LIPN: variants seen among roughly 807,000 people sequenced by gnomAD.
LIPN encodes lipase family member N.
Under a neutral mutation model 43.7 loss-of-function variants are expected in LIPN, and 32 were observed. The ratio of observed to expected loss-of-function variants is 0.73; its 90% CI spans 0.55 to 0.98. The LOEUF is 0.98. Ranked by LOEUF, LIPN falls within the 50% of genes least tolerant of loss-of-function variation. LIPN has a pLI of 0.00. For missense variants in LIPN, 505 were observed against 483.8 expected (o/e 1.04, Z -0.41); for synonymous variants, 156 against 157.6 (o/e 0.99, Z 0.08).
At chr10:88,768,954 CT>C in intron 6 of LIPN, 26 bp downstream of exon 6, 1 of 1,597,780 alleles carries the variant, frequency 6.3e-7, no homozygotes, top group Non-Finnish European at 8.6e-7. Context: ...CAAAATGTAC[CT>C]GAGGATCTCA....
intron 4 of LIPN, among the ~76,000 whole-genome samples, chr10:88,764,886 A>G (rs1487844366): frequency 6.6e-6 from 1 of 152,010 alleles, no homozygotes; most frequent in Non-Finnish European, 1.5e-5. Context: ...AATTATCATG[A>G]CCAATGTGCA....
chr10:88,771,534 G>A (rs1193219870), intron 7 of LIPN, among the ~76,000 whole-genome samples: 1 of 151,308 alleles, frequency 6.6e-6, no homozygotes, highest in Non-Finnish European at 1.5e-5. Flanking sequence ...TTTGTGCCTG[G>A]CTTATTTCAC....
intron 8 of LIPN, among the ~76,000 whole-genome samples, 155 bp downstream of exon 8, chr10:88,774,699 T>C (rs1359178431): frequency 1.3e-5 from 2 of 151,954 alleles, no homozygotes; most frequent in African/African-American, 4.8e-5. Context: ...TTCCCTGGAA[T>C]TTAAGAGAAA....
chr10:88,777,773 T>A (rs1843318841), intron 9 of LIPN, among the ~76,000 whole-genome samples: 1 of 152,166 alleles, frequency 6.6e-6, no homozygotes, highest in Admixed American at 6.5e-5. Context: ...TTTGCCTTTT[T>A]TTCCATTTTA....
chr10:88,774,387 G>A, intron 7 of LIPN, 86 bp from the exon 8 acceptor site: 1 of 782,866 alleles, frequency 1.3e-6, no homozygotes, highest in Non-Finnish European at 2.2e-6. Flanking sequence ...AGTCTTGTTT[G>A]CTAATTCTGT....
chr10:88,778,237 T>C lies in LIPN; in HGVS notation c.1192T>C (p.Ser398Pro). The part of the protein sequence containing the change: ...SEIIALMKAY[S>P] ...AATCATAGCTTTAATGAAGGCATAT[T>C]CCTAAATGCAATGCATTTACTTTTC... The change falls in exon 10 of 10, where the codon TCC (serine) becomes CCC (proline). Residue 398 changes from serine (S) to proline (P), a missense_variant. By Grantham distance (74) the Ser-to-Pro change is moderately conservative. Coordinates refer to ENST00000404459, the MANE Select transcript of LIPN (RefSeq NM_001102469.2). 6.2e-7 allele frequency: 1 copy of C among 1,601,600 alleles called. No individual in the cohort carries two copies. The highest frequency in any genetic ancestry group is 8.5e-7 in the Non-Finnish European group (1 of 1,172,632).
chr10:88,778,837 C>T lies in LIPN; in HGVS notation c.*595C>T, dbSNP rs762050652. Among the ~76,000 whole-genome samples the T allele has an allele frequency of 6.6e-6, 1 of 152,102 alleles. No homozygotes were observed. Among genetic ancestry groups the T allele is most frequent in the African/African-American group, 2.4e-5 (1 of 41,422 alleles). ...ATCTGCGTAAACGGAATCTTGAACC[C>T]ATAATAGGATACATGTATAAAATCT... On this transcript the variant is annotated 3_prime_UTR_variant, in exon 10 of 10. Transcript: ENST00000404459.
At position 88,768,792 on chromosome 10, in the gene LIPN, G is replaced by T. The variant is rs530876943; in HGVS notation, c.536G>T (p.Gly179Val). Residue 179 changes from glycine (G) to valine (V), a missense_variant and splice_region_variant, in exon 6 of 10, where the codon GGG (glycine) becomes GTG (valine). Gly to Val is a moderately radical substitution (Grantham distance 109, BLOSUM62 -3). Transcript: ENST00000404459. ...ATTGTCTTATCTCCTGTTCTCTCAG[G>T]GTTTGTAGCCTTTTCCACCATGCCT... ...FIGHSLGTTI[G>V]FVAFSTMPEL... 2 of 1,610,464 alleles carry T rather than the reference G, an allele frequency of 1.2e-6. No individual in the cohort carries two copies. Among genetic ancestry groups the T allele is most frequent in the South Asian group, 1.1e-5 (1 of 90,768 alleles).
intron 4 of LIPN, among the ~76,000 whole-genome samples, chr10:88,765,553 A>G (rs1843080769): frequency 6.6e-6 from 1 of 151,882 alleles, no homozygotes; most frequent in Non-Finnish European, 1.5e-5. Context: ...ACAGGCTTCT[A>G]GCTTATGGAA....
In LIPN at chr10:88,768,980, T is replaced by C; in HGVS notation, c.672+52T>C. ...TGAGGATCTCATTTTGGATCATAAA[T>C]CCTTATTATTTTCAAATCTACTGTA... is the stretch of plus-strand genomic sequence containing the variant. On this transcript the variant is annotated intron_variant, in intron 6 of 9. Coordinates refer to ENST00000404459, the MANE Select transcript of LIPN (RefSeq NM_001102469.2). 2.6e-6 allele frequency: 4 copies of C among 1,524,110 alleles called. No individual in the cohort carries two copies. In the South Asian group the frequency reaches 4.7e-5, roughly 18 times the overall value. 94.4% of individuals were successfully genotyped at this position (1,524,110 alleles called of 1,614,324 possible). A position where few individuals can be genotyped will look rare whatever the true frequency, so the allele number is the denominator to read the frequency against.
chr10:88,764,394 C>T lies in LIPN; in HGVS notation c.227-16C>T, dbSNP rs750848972. ...TTCTCTTTCTCCCTCTCTCATCTTA[C>T]CCTTTCCCCCACCAGGTCCCCGGCC... On this transcript the variant is annotated splice_polypyrimidine_tract_variant and intron_variant, in intron 3 of 9. Coordinates refer to ENST00000404459, the MANE Select transcript of LIPN (RefSeq NM_001102469.2). 6 of 1,599,778 alleles carry T rather than the reference C, an allele frequency of 3.8e-6. No homozygotes were observed. The Admixed American group carries it at 1.0e-4, about 27-fold the overall frequency.
At chr10:88,760,660 G>A (rs1231968419) in intron 1 of LIPN, among the ~76,000 whole-genome samples, 1 of 152,058 alleles carries the variant, frequency 6.6e-6, no homozygotes, top group Non-Finnish European at 1.5e-5. Flanking sequence ...CTATGAGATA[G>A]GTTACATTAT....
At chr10:88,763,198 A>G (rs1353732331) in intron 3 of LIPN, among the ~76,000 whole-genome samples, 2 of 152,096 alleles carry the variant, frequency 1.3e-5, no homozygotes, top group Admixed American at 6.6e-5. Context: ...TTTGAAGGTC[A>G]GATAAACAAC....
At chr10:88,757,383 G>A (rs1028262400), upstream of LIPN, among the ~76,000 whole-genome samples, 14 of 152,114 alleles carry the variant, frequency 9.2e-5, no homozygotes, top group African/African-American at 3.1e-4. Context: ...GAACATGGAC[G>A]TTATCAAGGA....
At chr10:88,761,659 T>C in intron 2 of LIPN, 146 bp downstream of exon 2, 1 of 593,390 alleles carries the variant, frequency 1.7e-6, no homozygotes, top group South Asian at 2.5e-5. Context: ...TCAAGCTAGT[T>C]AGATCTTTGT....
At chr10:88,765,894 C>T (rs894379654) in intron 4 of LIPN, among the ~76,000 whole-genome samples, 46 of 151,778 alleles carry the variant, frequency 3.0e-4, no homozygotes, top group African/African-American at 1.1e-3. Flanking sequence ...ACCCCTGTTT[C>T]CAAAGATGGG....
At chr10:88,769,610 G>A (rs552410487) in intron 6 of LIPN, 2 of 982,584 alleles carry the variant, frequency 2.0e-6, no homozygotes, top group Admixed American at 6.2e-5. Context: ...CTTTGAACTT[G>A]GGATGATGGA....
Position 88,775,083 on chromosome 10 carries a change from T to G in LIPN, c.892-9T>G, listed in dbSNP as rs1278646574. On this transcript the variant is annotated splice_polypyrimidine_tract_variant and intron_variant, in intron 8 of 9. Coordinates refer to ENST00000404459, the MANE Select transcript of LIPN (RefSeq NM_001102469.2). ...TAACTATTCTTTTTCTAAAAAACAT[T>G]TGTTTCAGCTTTACCACTCTGATGA... 1.3e-6 allele frequency: 2 copies of G among 1,523,392 alleles called. No individual in the cohort carries two copies. The highest frequency in any genetic ancestry group is 2.0e-5 in the Admixed American group (1 of 49,318). 94.4% of individuals were successfully genotyped at this position (1,523,392 alleles called of 1,614,324 possible). A position where few individuals can be genotyped will look rare whatever the true frequency, so the allele number is the denominator to read the frequency against.
chr10:88,766,352 T>C lies in LIPN; in HGVS notation c.509T>C (p.Ile170Thr), dbSNP rs1477957765. Reference protein sequence around the residue: ...NKTGQEKLYFIGHSLGTTIGF... With the variant: ...NKTGQEKLYFTGHSLGTTIGF... ...ACTGGTCAGGAGAAATTGTATTTCA[T>C]TGGACATTCACTTGGCACTACAATA... Residue 170 changes from isoleucine to threonine, a missense_variant, in exon 5 of 10, where the codon ATT (isoleucine) becomes ACT (threonine). By Grantham distance (89) the Ile-to-Thr change is moderately conservative (BLOSUM62 -1). Coordinates refer to ENST00000404459, the MANE Select transcript of LIPN (RefSeq NM_001102469.2). 6.9e-6 allele frequency: 11 copies of C among 1,604,964 alleles called. No individual in the cohort carries two copies. The highest frequency in any genetic ancestry group is 4.5e-5 in the East Asian group (2 of 44,774).
Sources: allele counts gnomAD v4.1 joint callset (sites outside exome capture counted in the v4.1 genomes callset), GRCh38; gene constraint gnomAD v4.1.1; transcripts MANE v1.5; gene names NCBI Gene and HGNC (gene_info 2026-07-23, HGNC 2026-07-21).